GNG2: variants seen among roughly 807,000 people sequenced by gnomAD.
GNG2 encodes the protein G protein subunit gamma 2, also known as guanine nucleotide-binding protein G(I)/G(S)/G(O) subunit gamma-2.
A neutral mutation model predicts 5.5 loss-of-function variants in GNG2; 5 were observed. The observed-to-expected ratio is 0.91, with a 90% CI of 0.48 to 1.92. The LOEUF (loss-of-function observed/expected upper bound fraction) is 1.92. Ranked by LOEUF, GNG2 falls within the 30% of genes most tolerant of loss-of-function variation. GNG2 has a pLI of 0.01. For synonymous variants in GNG2, 28 were observed against 32.0 expected (o/e 0.88, Z 0.42); for missense variants, 55 against 88.4 (o/e 0.62, Z 1.52).
intron 2 of GNG2, among the ~76,000 whole-genome samples, chr14:51,909,060 G>C (rs1050155098): frequency 6.6e-6 from 1 of 152,016 alleles, no homozygotes; most frequent in South Asian, 2.1e-4. Flanking sequence ...ATAAAGAACT[G>C]CACTATTCTG....
chr14:51,894,272 T>C (rs552236692), intron 2 of GNG2, among the ~76,000 whole-genome samples: 141 of 152,262 alleles, frequency 9.3e-4, no homozygotes, highest in African/African-American at 3.2e-3. Context: ...TCTCGATATA[T>C]AAAGATTTTT....
intron 2 of GNG2, among the ~76,000 whole-genome samples, chr14:51,842,910 C>A (rs1338299415): frequency 1.3e-5 from 2 of 152,106 alleles, no homozygotes; most frequent in Non-Finnish European, 2.9e-5. Context: ...AGTGATCTGC[C>A]CGCCTCGGTT....
At chr14:51,909,435 G>A (rs1886156252) in intron 2 of GNG2, among the ~76,000 whole-genome samples, 1 of 152,204 alleles carries the variant, frequency 6.6e-6, no homozygotes, top group African/African-American at 2.4e-5. Context: ...TTCCAATGGT[G>A]ACAAAAGTGC....
intron 2 of GNG2, among the ~76,000 whole-genome samples, chr14:51,938,935 A>G (rs1363060966): frequency 6.6e-6 from 1 of 152,238 alleles, no homozygotes; most frequent in African/African-American, 2.4e-5. Flanking sequence ...GAAATTAATT[A>G]ACCAATAGAT....
At chr14:51,930,594 A>G (rs778061214) in intron 2 of GNG2, among the ~76,000 whole-genome samples, 4 of 152,234 alleles carry the variant, frequency 2.6e-5, no homozygotes, top group Non-Finnish European at 4.4e-5. Flanking sequence ...AAACAGAAAG[A>G]TACAATATGA....
chr14:51,913,882 T>C (rs1287864663), intron 2 of GNG2, among the ~76,000 whole-genome samples: 1 of 152,238 alleles, frequency 6.6e-6, no homozygotes, highest in African/African-American at 2.4e-5. Flanking sequence ...GTATATAATT[T>C]ATGCATATGT....
intron 2 of GNG2, among the ~76,000 whole-genome samples, chr14:51,946,595 A>C (rs1267546267): frequency 1.3e-5 from 2 of 152,312 alleles, no homozygotes; most frequent in Non-Finnish European, 1.5e-5. Context: ...GCTCCACCCC[A>C]GTGTTTCCAG....
chr14:51,933,149 G>C (rs1309655903), intron 2 of GNG2, among the ~76,000 whole-genome samples: 2 of 152,214 alleles, frequency 1.3e-5, no homozygotes. Flanking sequence ...TCAAACTCTA[G>C]CTTCTAGAAC....
intron 2 of GNG2, chr14:51,917,282 G>A (rs1245278731): frequency 2.0e-5 from 9 of 449,328 alleles, no homozygotes; most frequent in Admixed American, 9.5e-5. Context: ...AATCCCAGCC[G>A]CTGCCACGAA....
At chr14:51,842,945 G>A (rs79059025) in intron 2 of GNG2, among the ~76,000 whole-genome samples, 1,602 of 152,228 alleles carry the variant, frequency 0.011, 17 homozygotes, top group Non-Finnish European at 0.018. Flanking sequence ...GATTACAGGC[G>A]TGAGCCACCA....
intron 2 of GNG2, among the ~76,000 whole-genome samples, chr14:51,898,669 G>A (rs952948837): frequency 1.3e-5 from 2 of 152,204 alleles, no homozygotes; most frequent in Non-Finnish European, 2.9e-5. Context: ...GAACGCAAAT[G>A]TGCAACTCAT....
chr14:51,938,227 A>T (rs1888125115), intron 2 of GNG2, among the ~76,000 whole-genome samples: 1 of 152,222 alleles, frequency 6.6e-6, no homozygotes. Context: ...TCCCCCGCTT[A>T]GGATTGCTCA....
chr14:51,968,063 T>C lies in GNG2; in HGVS notation c.*1376T>C, dbSNP rs1470030252. On this transcript the variant is annotated 3_prime_UTR_variant, in exon 4 of 4. Coordinates refer to ENST00000556766, the MANE Select transcript of GNG2 (RefSeq NM_053064.5). ...GTTTTTCACTTAACAAATTTTTTAA[T>C]GGAATCTTTGTTTTTGTTCTCCATC... The C allele has an allele frequency of 6.6e-6, 1 of 152,208 alleles. No homozygotes were observed. The highest frequency in any genetic ancestry group is 1.5e-5 in the Non-Finnish European group (1 of 68,034). 9.4% of individuals were successfully genotyped at this position (152,208 alleles called of 1,614,324 possible). A position where few individuals can be genotyped will look rare whatever the true frequency, so the allele number is the denominator to read the frequency against.
At chr14:51,875,076 G>A (rs924994755) in intron 1 of GNG2, among the ~76,000 whole-genome samples, 1 of 152,226 alleles carries the variant, frequency 6.6e-6, no homozygotes, top group African/African-American at 2.4e-5. Context: ...GCATGTAACA[G>A]TGGCCTGATT....
intron 2 of GNG2, among the ~76,000 whole-genome samples, chr14:51,940,820 G>A (rs1421005792): frequency 6.6e-6 from 1 of 152,096 alleles, no homozygotes; most frequent in African/African-American, 2.4e-5. Context: ...TGATGAACTG[G>A]CAATAGAAAA....
chr14:51,906,236 T>A (rs954683804), intron 2 of GNG2, among the ~76,000 whole-genome samples: 1 of 152,268 alleles, frequency 6.6e-6, no homozygotes, highest in Non-Finnish European at 1.5e-5. Flanking sequence ...CCTCCTTCTT[T>A]ATTTAACTAT....
intron 2 of GNG2, among the ~76,000 whole-genome samples, chr14:51,843,302 C>G (rs1446240622): frequency 6.6e-6 from 1 of 152,202 alleles, no homozygotes; most frequent in African/African-American, 2.4e-5. Context: ...TTGCTCTTCT[C>G]TCTCTCTTAC....
chr14:51,925,793 T>C (rs1372425644), intron 2 of GNG2, among the ~76,000 whole-genome samples: 1 of 151,890 alleles, frequency 6.6e-6, no homozygotes, highest in Non-Finnish European at 1.5e-5. Flanking sequence ...TGTAATTTTT[T>C]TTTTTTTTAG....
Position 51,839,352 on chromosome 14 carries a change from T to C in GNG2, c.64+11545T>C, listed in dbSNP as rs576903413. On this transcript the variant is annotated intron_variant, in intron 2 of 3. Transcript: ENST00000553432. ...CTAAGAGACAAATGGTTGCATTCTT[T>C]TGAGTTTCTGATTAGCGTTTACAAA... 4.3e-4 allele frequency among the ~76,000 whole-genome samples: 65 copies of C among 152,322 alleles called. 2 individuals are homozygous for C. In the South Asian group the frequency reaches 7.7e-3, roughly 18 times the overall value.
Sources: allele counts gnomAD v4.1 joint callset (sites outside exome capture counted in the v4.1 genomes callset), GRCh38; gene constraint gnomAD v4.1.1; transcripts MANE v1.5; gene names NCBI Gene and HGNC (gene_info 2026-07-23, HGNC 2026-07-21).